FGF3: variants seen among roughly 807,000 people sequenced by gnomAD.
FGF3 encodes the protein fibroblast growth factor 3.
Under a neutral mutation model 9.8 loss-of-function variants are expected in FGF3, and 7 were observed. That is an observed-to-expected ratio of 0.72 (90% CI 0.41 to 1.35). FGF3 has a LOEUF of 1.35. FGF3 is among the 40% of genes most tolerant of loss of function. The pLI, the probability that FGF3 is intolerant of heterozygous loss-of-function variation, is 0.01. For synonymous variants in FGF3, 173 were observed against 157.2 expected, an observed-to-expected ratio of 1.10 and a Z score of -0.75; for missense variants, 390 against 345.6, an observed-to-expected ratio of 1.13 and a Z score of -1.02.
intron 2 of FGF3, among the ~76,000 whole-genome samples, chr11:69,814,707 G>C (rs1856098741): frequency 6.6e-6 from 1 of 152,126 alleles, no homozygotes; most frequent in Admixed American, 6.5e-5. Flanking sequence ...TGTCTGCAGG[G>C]CAATGGGAAC....
rs1554981470 is a variant in FGF3 at position 69,818,948 on chromosome 11, C to A, written c.-15G>T. The A allele has an allele frequency of 1.4e-6, 2 of 1,450,492 alleles. No individual in the cohort carries two copies. Among genetic ancestry groups the A allele is most frequent in the South Asian group, 1.3e-5 (1 of 75,538 alleles). The allele number at this position is 1,450,492 out of a possible 1,614,324, so 89.9% of individuals were successfully genotyped here. A position where few individuals can be genotyped will look rare whatever the true frequency, so the allele number is the denominator to read the frequency against. On this transcript the variant is annotated 5_prime_UTR_variant, in exon 1 of 3. Transcript: ENST00000334134. ...ATTAGGCCCATCGTGGCATCGCGCC[C>A]GCCCCGCGGCGGCGGCGGCTGCAGG...
chr11:69,814,402 G>T (rs573037382), intron 2 of FGF3, among the ~76,000 whole-genome samples: 1 of 151,870 alleles, frequency 6.6e-6, no homozygotes, highest in Non-Finnish European at 1.5e-5. Flanking sequence ...TGATTAAGAT[G>T]GGGAGTCGGG....
rs781929547 is a variant in FGF3 at position 69,810,375 on chromosome 11, G to A, written c.650C>T (p.Pro217Leu). The A allele has an allele frequency of 3.8e-6, 6 of 1,563,156 alleles. No homozygotes were observed. The highest frequency in any genetic ancestry group is 1.2e-5 in the South Asian group (1 of 85,756). Reference sequence around the variant, plus strand: ...AACGTGAGAGGGCTCCAGGTTATCCGGGCTCTGCTTCTGCCGCCGCCGTCG... The same window carrying A: ...AACGTGAGAGGGCTCCAGGTTATCCAGGCTCTGCTTCTGCCGCCGCCGTCG... The part of the protein sequence containing the change: ...QPRRRRQKQS[P>L]DNLEPSHVQA... The change falls in exon 3 of 3, where the codon CCG (proline) becomes CTG (leucine). Residue 217 changes from proline to leucine, a missense_variant. Physicochemically the swap from Pro to Leu is moderately conservative, Grantham distance 98. Coordinates refer to ENST00000334134, the MANE Select transcript of FGF3 (RefSeq NM_005247.4).
intron 2 of FGF3, among the ~76,000 whole-genome samples, chr11:69,813,728 A>G (rs782312590): frequency 0.026 from 1,783 of 68,904 alleles, 365 homozygotes; most frequent in East Asian, 0.056. Flanking sequence ...AGGTGGATGG[A>G]TGGATGGGTG....
In FGF3 at chr11:69,819,361, G is replaced by C. The variant is rs1856202603; in HGVS notation, c.-428C>G. Among the ~76,000 whole-genome samples the C allele has an allele frequency of 6.6e-6, 1 of 151,546 alleles. No individual in the cohort carries two copies. The highest frequency in any genetic ancestry group is 1.5e-5 in the Non-Finnish European group (1 of 67,816). ...CACTCGCCGCCAGCGCACCGCCGTC[G>C]AGCCGCGGCTCCGCTCCGCAGCGCG... On this transcript the variant is annotated 5_prime_UTR_variant, in exon 1 of 3. Transcript: ENST00000334134.
intron 1 of FGF3, among the ~76,000 whole-genome samples, chr11:69,818,103 C>T (rs1473875327): frequency 6.6e-6 from 1 of 152,056 alleles, no homozygotes; most frequent in East Asian, 1.9e-4. Flanking sequence ...GAATAACTGT[C>T]GGTGGCGGCC....
rs928188823 is a variant in FGF3 at position 69,810,134 on chromosome 11, C to T, written c.*171G>A. On this transcript the variant is annotated 3_prime_UTR_variant, in exon 3 of 3. Transcript: ENST00000334134. The stretch of plus-strand genomic sequence containing the variant: ...ATTGCAGGCAGCCCCCTCCGAGCTC[C>T]GACTTGGGCCCTCTTCAGTTCCCAC... The T allele has an allele frequency of 4.7e-6, 3 of 640,094 alleles. No individual in the cohort carries two copies. Among genetic ancestry groups the T allele is most frequent in the Non-Finnish European group, 5.1e-6 (2 of 393,686 alleles). 39.7% of individuals were successfully genotyped at this position (640,094 alleles called of 1,614,324 possible).
At chr11:69,816,476 T>G in intron 1 of FGF3, 53 bp from the exon 2 acceptor site, 1 of 1,428,958 alleles carries the variant, frequency 7.0e-7, no homozygotes. Flanking sequence ...AGGGGGCGGC[T>G]GAGGCCCAGC....
Position 69,819,080 on chromosome 11 carries a change from G to A in FGF3, c.-147C>T, listed in dbSNP as rs1856196400. 2.2e-6 allele frequency: 1 copy of A among 450,692 alleles called. No homozygotes were observed. The highest frequency in any genetic ancestry group is 3.9e-5 in the East Asian group (1 of 25,570). 27.9% of individuals were successfully genotyped at this position (450,692 alleles called of 1,614,324 possible). ...CTCCGGCTTCGCGGGAAAGGTGGGG[G>A]AAGAAGGGGGAAGGGTGGGCGAGAG... On this transcript the variant is annotated 5_prime_UTR_variant, in exon 1 of 3. Transcript: ENST00000334134.
chr11:69,811,375 G>A (rs992037216), intron 2 of FGF3, among the ~76,000 whole-genome samples: 2 of 150,598 alleles, frequency 1.3e-5, no homozygotes, highest in African/African-American at 4.9e-5. Flanking sequence ...ACTTGAACCC[G>A]GGAGGCAGAG....
intron 2 of FGF3, among the ~76,000 whole-genome samples, chr11:69,813,011 A>G (rs1856052904): frequency 6.6e-6 from 1 of 151,982 alleles, no homozygotes; most frequent in African/African-American, 2.4e-5. Context: ...TAGACTCCAG[A>G]GCTACTGCAG....
At position 69,813,692 on chromosome 11, in the gene FGF3, A is replaced by ATGGGTGGG. The variant is rs1565114901; in HGVS notation, c.324+2627_324+2628insCCCACCCA. 1.3e-4 allele frequency among the ~76,000 whole-genome samples: 17 copies of ATGGGTGGG among 127,322 alleles called. 2 individuals are homozygous for ATGGGTGGG. Among genetic ancestry groups the ATGGGTGGG allele is most frequent in the African/African-American group, 4.9e-4 (16 of 32,640 alleles). The allele number at this position is 127,322 out of a possible 152,430, so 83.5% of individuals were successfully genotyped here. A position where few individuals can be genotyped will look rare whatever the true frequency, so the allele number is the denominator to read the frequency against. On this transcript the variant is annotated intron_variant, in intron 2 of 2. Transcript: ENST00000334134. ...GATGGCTGGATGGATGGATGGGTGG[A>ATGGGTGGG]TGGATGGATAGGTGGATGGATGGAT...
chr11:69,816,206 T>A, intron 2 of FGF3, 114 bp downstream of exon 2: 1 of 854,064 alleles, frequency 1.2e-6, no homozygotes, highest in African/African-American at 1.6e-5. Flanking sequence ...CTAGCTTGGG[T>A]CCCGTGTACC....
chr11:69,815,244 GGGTGGATGGATGGATGGATA>G (rs1245049096), intron 2 of FGF3, among the ~76,000 whole-genome samples: 4 of 150,832 alleles, frequency 2.7e-5, no homozygotes, highest in Admixed American at 6.6e-5. Flanking sequence ...ATGGGTGGAT[GGGTGGATGGATGGATGGATA>G]GGTGGATGGA....
chr11:69,813,888 G>GTGGATGGCTGGA (rs1856082676), intron 2 of FGF3, among the ~76,000 whole-genome samples: 1 of 84,738 alleles, frequency 1.2e-5, no homozygotes, highest in South Asian at 3.6e-4. Context: ...GGATGGATGG[G>GTGGATGGCTGGA]TGGATGGCTG....
chr11:69,812,927 G>A (rs1243478481), intron 2 of FGF3, among the ~76,000 whole-genome samples: 2 of 149,036 alleles, frequency 1.3e-5, no homozygotes, highest in African/African-American at 5.0e-5. Flanking sequence ...TAGATCAATT[G>A]CTGACACGTG....
In FGF3 at chr11:69,811,357, G is replaced by A. The variant is rs534223216; in HGVS notation, c.325-657C>T. On this transcript the variant is annotated intron_variant, in intron 2 of 2. Coordinates refer to ENST00000334134, the MANE Select transcript of FGF3 (RefSeq NM_005247.4). ...CCCAGCTACTTGGGAGGCTTAGGCAGGAGAATCACTTGAACCCGGGAGGCA... is the reference window on the plus strand; with the variant it reads ...CCCAGCTACTTGGGAGGCTTAGGCAAGAGAATCACTTGAACCCGGGAGGCA... Among the ~76,000 whole-genome samples, 11 of 151,554 alleles carry A rather than the reference G, an allele frequency of 7.3e-5. No homozygotes were observed. In the South Asian group the frequency reaches 1.2e-3, roughly 17 times the overall value.
intron 2 of FGF3, 43 bp downstream of exon 2, chr11:69,816,277 C>A (rs782471544): frequency 6.9e-7 from 1 of 1,456,948 alleles, no homozygotes; most frequent in Non-Finnish European, 9.6e-7. Flanking sequence ...CAGGCCAGAC[C>A]GCTACTCCGT....
At chr11:69,814,436 GTC>G (rs1856095348) in intron 2 of FGF3, among the ~76,000 whole-genome samples, 2 of 151,952 alleles carry the variant, frequency 1.3e-5, no homozygotes, top group Admixed American at 1.3e-4. Flanking sequence ...CGGTTCGAGT[GTC>G]TGAGTCAGCA....
Sources: allele counts gnomAD v4.1 joint callset (sites outside exome capture counted in the v4.1 genomes callset), GRCh38; gene constraint gnomAD v4.1.1; transcripts MANE v1.5; gene names NCBI Gene and HGNC (gene_info 2026-07-23, HGNC 2026-07-21).